MPPED2: variants seen among roughly 807,000 people sequenced by gnomAD.
The protein encoded by MPPED2 is metallophosphoesterase MPPED2.
Under a neutral mutation model 33.0 loss-of-function variants are expected in MPPED2, and 5 were observed. The ratio of observed to expected loss-of-function variants is 0.15; its 90% confidence interval spans 0.08 to 0.32. MPPED2 has a LOEUF of 0.32. Among genes scored for constraint, MPPED2 ranks in the 10% least tolerant of loss-of-function variants. The pLI is 1.00. For synonymous variants in MPPED2, 136 were observed against 141.9 expected, an observed-to-expected ratio of 0.96 and a Z score of 0.29; for missense variants, 275 against 372.1, an observed-to-expected ratio of 0.74 and a Z score of 2.15.
intron 2 of MPPED2, among the ~76,000 whole-genome samples, chr11:30,563,615 A>T (rs1956323156): frequency 1.3e-5 from 2 of 152,234 alleles, no homozygotes; most frequent in Admixed American, 6.5e-5. Flanking sequence ...ATAGGCCATT[A>T]ACTAGTGCTT....
intron 2 of MPPED2, 149 bp from the exon 3 acceptor site, chr11:30,536,324 TG>T (rs957996781): frequency 1.3e-5 from 8 of 634,236 alleles, no homozygotes; most frequent in Non-Finnish European, 2.4e-6. Flanking sequence ...AGGACACTTC[TG>T]GGTGTAACAG....
At chr11:30,498,666 C>T (rs1178897804) in intron 3 of MPPED2, among the ~76,000 whole-genome samples, 1 of 152,016 alleles carries the variant, frequency 6.6e-6, no homozygotes, top group African/African-American at 2.4e-5. Flanking sequence ...GAACCTTTGA[C>T]AAAATGTCAA....
chr11:30,488,230 G>C (rs1951826985), intron 4 of MPPED2, among the ~76,000 whole-genome samples: 1 of 152,184 alleles, frequency 6.6e-6, no homozygotes, highest in Non-Finnish European at 1.5e-5. Flanking sequence ...CCTGGTTAAA[G>C]AATTGTTGTG....
At chr11:30,393,558 A>G (rs1376758937) in intron 6 of MPPED2, among the ~76,000 whole-genome samples, 4 of 152,112 alleles carry the variant, frequency 2.6e-5, no homozygotes, top group African/African-American at 9.7e-5. Context: ...CATAGTATAT[A>G]GTTACTATTT....
Position 30,403,836 on chromosome 11 carries a change from G to C in MPPED2, c.766+10392C>G, listed in dbSNP as rs142953426. On this transcript the variant is annotated intron_variant, in intron 6 of 6. Coordinates refer to the MPPED2 transcript ENST00000448418. ...ATCTACTACTATGCAAAACTCACAG[G>C]AAGAAAGGGCTATATGTCTTCAGCA... is the stretch of plus-strand genomic sequence containing the variant. 2.0e-3 allele frequency among the ~76,000 whole-genome samples: 309 copies of C among 152,288 alleles called. 1 individual carries two copies. Among genetic ancestry groups the C allele is most frequent in the African/African-American group, 6.9e-3 (286 of 41,548 alleles).
At chr11:30,482,296 G>A (rs1230646592) in intron 4 of MPPED2, among the ~76,000 whole-genome samples, 3 of 152,116 alleles carry the variant, frequency 2.0e-5, no homozygotes, top group Non-Finnish European at 4.4e-5. Context: ...TTTTTGGTGA[G>A]GATATGGCTT....
chr11:30,585,692 G>A (rs1343765416), intron 1 of MPPED2, among the ~76,000 whole-genome samples: 1 of 152,130 alleles, frequency 6.6e-6, no homozygotes, highest in Non-Finnish European at 1.5e-5. Context: ...ACCCCCAGAG[G>A]TCGGGGGACT....
intron 3 of MPPED2, among the ~76,000 whole-genome samples, chr11:30,535,541 G>A (rs1380017): frequency 0.23 from 34,630 of 152,086 alleles, 4,290 homozygotes; most frequent in East Asian, 0.41. Context: ...GCAGCACTGT[G>A]CTATAGGAAT....
chr11:30,585,373 A>C (rs1957414290), intron 1 of MPPED2, among the ~76,000 whole-genome samples: 1 of 151,754 alleles, frequency 6.6e-6, no homozygotes, highest in South Asian at 2.1e-4. Context: ...CCCGAGCGAG[A>C]GCGGCGCGCG....
intron 4 of MPPED2, among the ~76,000 whole-genome samples, chr11:30,452,606 G>A (rs1382294730): frequency 6.6e-6 from 1 of 152,178 alleles, no homozygotes; most frequent in African/African-American, 2.4e-5. Context: ...GGTATGTACT[G>A]CACACGCTAA....
At chr11:30,566,796 GAC>G (rs1455853132) in intron 2 of MPPED2, among the ~76,000 whole-genome samples, 4 of 152,120 alleles carry the variant, frequency 2.6e-5, no homozygotes, top group African/African-American at 9.7e-5. Flanking sequence ...CCTAGTGGAA[GAC>G]ACACATTTCA....
chr11:30,495,472 C>T lies in MPPED2; in HGVS notation c.360G>A (p.Leu120=), dbSNP rs762977495. Residue 120 remains leucine, a synonymous_variant, in exon 4 of 7, where the codon CTG becomes CTA. Transcript: ENST00000358117. ...CTGCCATGAATTCCTTATCAAATGT[C>T]AGTTCATGATTCCCAGCAATCACTA... ...YKIVIAGNHE[L]TFDKEFMADL... 4 of 1,614,026 alleles carry T rather than the reference C, an allele frequency of 2.5e-6. No homozygotes were observed. The East Asian group carries it at 6.7e-5, about 27-fold the overall frequency.
intron 4 of MPPED2, among the ~76,000 whole-genome samples, chr11:30,459,813 A>G (rs1950446028): frequency 6.6e-6 from 1 of 152,228 alleles, no homozygotes; most frequent in African/African-American, 2.4e-5. Context: ...GAAATCCTGA[A>G]CTGAACATGT....
intron 2 of MPPED2, among the ~76,000 whole-genome samples, chr11:30,567,307 C>G (rs1018525154): frequency 3.3e-5 from 5 of 152,126 alleles, no homozygotes; most frequent in African/African-American, 1.2e-4. Context: ...ATGAGGCTTA[C>G]CCAGAGGCCA....
intron 4 of MPPED2, among the ~76,000 whole-genome samples, chr11:30,441,577 C>A (rs537259712): frequency 6.6e-6 from 1 of 152,154 alleles, no homozygotes; most frequent in Non-Finnish European, 1.5e-5. Flanking sequence ...AAAAGATGCC[C>A]CCCTATTCCA....
intron 2 of MPPED2, among the ~76,000 whole-genome samples, chr11:30,570,883 C>T (rs1266889989): frequency 6.6e-6 from 1 of 152,058 alleles, no homozygotes; most frequent in East Asian, 1.9e-4. Context: ...CAAAAAAGCC[C>T]ACAGCAAGAC....
At chr11:30,463,865 T>C (rs74516820) in intron 4 of MPPED2, among the ~76,000 whole-genome samples, 102 of 99,960 alleles carry the variant, frequency 1.0e-3, no homozygotes, top group South Asian at 2.5e-3. Context: ...TATATATATA[T>C]ACACACACAC....
At chr11:30,488,943 G>T (rs1044707676) in intron 4 of MPPED2, among the ~76,000 whole-genome samples, 1 of 152,062 alleles carries the variant, frequency 6.6e-6, no homozygotes, top group Admixed American at 6.5e-5. Flanking sequence ...CCCTGAAAAC[G>T]TCGTACAGAA....
chr11:30,397,122 A>AAT (rs1378691628), intron 6 of MPPED2, among the ~76,000 whole-genome samples: 1 of 152,192 alleles, frequency 6.6e-6, no homozygotes, highest in African/African-American at 2.4e-5. Context: ...TGATTCAGAA[A>AAT]ATATTATTTA....
Sources: allele counts gnomAD v4.1 joint callset (sites outside exome capture counted in the v4.1 genomes callset), GRCh38; gene constraint gnomAD v4.1.1; transcripts MANE v1.5; gene names NCBI Gene and HGNC (gene_info 2026-07-23, HGNC 2026-07-21).